ZDHHC17: variants seen among roughly 807,000 people sequenced by gnomAD.
The protein encoded by ZDHHC17 is zDHHC palmitoyltransferase 17.
In ZDHHC17, 40 loss-of-function variants were observed where a neutral mutation model predicts 90.3. The ratio of observed to expected loss-of-function variants is 0.44; its 90% CI spans 0.34 to 0.58. The LOEUF is 0.58. ZDHHC17 is among the 20% of genes least tolerant of loss of function. The pLI is 0.01. For missense variants in ZDHHC17, 614 were observed against 780.8 expected (o/e 0.79, Z 2.55); for synonymous variants, 235 against 252.4 (o/e 0.93, Z 0.65).
intron 10 of ZDHHC17, among the ~76,000 whole-genome samples, chr12:76,829,457 A>C (rs12810850): frequency 9.9e-5 from 2 of 20,170 alleles, no homozygotes; most frequent in African/African-American, 2.5e-4. Flanking sequence ...CTATGTCTCA[A>C]AAAAAAAAAA....
chr12:76,820,685 A>G (rs374263775), intron 7 of ZDHHC17, among the ~76,000 whole-genome samples: 1 of 152,202 alleles, frequency 6.6e-6, no homozygotes, highest in Admixed American at 6.5e-5. Context: ...ATGGTCACCA[A>G]GGAAAAATTT....
intron 3 of ZDHHC17, among the ~76,000 whole-genome samples, chr12:76,808,286 A>G (rs976562504): frequency 2.0e-5 from 3 of 152,156 alleles, no homozygotes; most frequent in African/African-American, 7.2e-5. Context: ...ATTATTCCCA[A>G]AGAAAGCATT....
Position 76,852,465 on chromosome 12 carries a change from G to A in ZDHHC17, c.*1480G>A, listed in dbSNP as rs1257530104. ...TTTGTCCAACCAAAAAGAAAAGGGA[G>A]ATAACTAATGAGCTTCTAGTGATGT... On this transcript the variant is annotated 3_prime_UTR_variant, in exon 17 of 17. Transcript: ENST00000426126. 1 of 152,632 alleles carries A rather than the reference G, an allele frequency of 6.6e-6. No homozygotes were observed. Among genetic ancestry groups the A allele is most frequent in the Non-Finnish European group, 1.5e-5 (1 of 68,050 alleles). 9.5% of individuals were successfully genotyped at this position (152,632 alleles called of 1,614,324 possible).
chr12:76,845,481 T>A (rs1953483884), intron 12 of ZDHHC17: 1 of 246,940 alleles, frequency 4.0e-6, no homozygotes, highest in Non-Finnish European at 7.6e-6. Context: ...GTTCCATTCT[T>A]AAGAGCATAT....
intron 5 of ZDHHC17, among the ~76,000 whole-genome samples, chr12:76,814,421 G>A (rs1953060003): frequency 6.6e-6 from 1 of 151,856 alleles, no homozygotes; most frequent in Non-Finnish European, 1.5e-5. Context: ...ATATGAACCA[G>A]AATTACAATA....
intron 15 of ZDHHC17, 88 bp from the exon 16 acceptor site, chr12:76,849,288 C>G: frequency 1.6e-6 from 1 of 644,988 alleles, no homozygotes; most frequent in Non-Finnish European, 2.4e-6. Flanking sequence ...TTCGCCATTG[C>G]ATTTTAGCCT....
At chr12:76,831,648 C>A (rs758062306) in intron 10 of ZDHHC17, among the ~76,000 whole-genome samples, 1 of 152,052 alleles carries the variant, frequency 6.6e-6, no homozygotes, top group Non-Finnish European at 1.5e-5. Context: ...CTGTGCCTGG[C>A]CTGTGGTTTT....
intron 1 of ZDHHC17, among the ~76,000 whole-genome samples, chr12:76,780,166 T>G (rs1952605893): frequency 6.6e-6 from 1 of 152,224 alleles, no homozygotes; most frequent in Admixed American, 6.5e-5. Flanking sequence ...AGGTTAAACT[T>G]GTCTATTGTC....
At chr12:76,793,694 C>T (rs746652882) in intron 1 of ZDHHC17, among the ~76,000 whole-genome samples, 13 of 152,090 alleles carry the variant, frequency 8.5e-5, no homozygotes, top group Admixed American at 1.3e-4. Flanking sequence ...AGGGGAGTGG[C>T]GGACTTTTAT....
intron 5 of ZDHHC17, chr12:76,813,254 A>T (rs1216017455): frequency 2.5e-6 from 1 of 392,448 alleles, no homozygotes; most frequent in African/African-American, 2.1e-5. Context: ...GTTACTTCTC[A>T]TATAAGAAAT....
intron 1 of ZDHHC17, among the ~76,000 whole-genome samples, chr12:76,782,725 A>C (rs993055457): frequency 6.6e-6 from 1 of 152,148 alleles, no homozygotes; most frequent in Non-Finnish European, 1.5e-5. Context: ...ACAGTGACTG[A>C]AGTGATAAAC....
intron 1 of ZDHHC17, among the ~76,000 whole-genome samples, chr12:76,784,896 T>C (rs1952667584): frequency 6.6e-6 from 1 of 152,222 alleles, no homozygotes; most frequent in Non-Finnish European, 1.5e-5. Context: ...AACAGAATTT[T>C]GGATGCTTAA....
chr12:76,830,993 T>C (rs1415768090), intron 10 of ZDHHC17, among the ~76,000 whole-genome samples: 1 of 152,184 alleles, frequency 6.6e-6, no homozygotes, highest in Non-Finnish European at 1.5e-5. Context: ...AACAATCAAG[T>C]CTATTTAGCT....
intron 10 of ZDHHC17, among the ~76,000 whole-genome samples, chr12:76,835,684 T>C (rs1022617627): frequency 2.0e-5 from 3 of 151,990 alleles, no homozygotes; most frequent in African/African-American, 7.2e-5. Context: ...GTATAAAGAC[T>C]GAATTTTGTT....
chr12:76,811,758 T>C (rs1953025279), intron 5 of ZDHHC17, among the ~76,000 whole-genome samples: 1 of 152,140 alleles, frequency 6.6e-6, no homozygotes, highest in African/African-American at 2.4e-5. Flanking sequence ...TTACTTCCTT[T>C]AATAATGTAG....
At chr12:76,848,437 C>T in intron 15 of ZDHHC17, 47 bp downstream of exon 15, 2 of 1,572,734 alleles carry the variant, frequency 1.3e-6, no homozygotes, top group African/African-American at 2.7e-5. Context: ...AAAACTCTTC[C>T]ATCCTTGCAT....
chr12:76,836,456 A>G (rs1405081537), intron 10 of ZDHHC17, among the ~76,000 whole-genome samples: 2 of 152,002 alleles, frequency 1.3e-5, no homozygotes, highest in Non-Finnish European at 2.9e-5. Flanking sequence ...GGTATTAATT[A>G]GAGCTATTTT....
chr12:76,814,809 T>C (rs977843931), intron 5 of ZDHHC17, among the ~76,000 whole-genome samples: 8 of 152,176 alleles, frequency 5.3e-5, no homozygotes, highest in East Asian at 3.9e-4. Context: ...TTCTCTCTTA[T>C]GCATTAGTAT....
In ZDHHC17 at chr12:76,801,660, GA is replaced by G. The variant is rs554688356; in HGVS notation, c.198-3647del. On this transcript the variant is annotated intron_variant, in intron 2 of 16. Coordinates refer to ENST00000426126, the MANE Select transcript of ZDHHC17 (RefSeq NM_015336.4). The stretch of plus-strand genomic sequence containing the variant: ...CACAGCAAGACTCTGTCTCAAAAAA[GA>G]AAAAAAAAATCCTAAAGTTATAACA... Among the ~76,000 whole-genome samples, 104 of 147,334 alleles carry G rather than the reference GA, an allele frequency of 7.1e-4. 1 individual carries two copies. The highest frequency in any genetic ancestry group is 4.0e-3 in the Admixed American group (59 of 14,878).
Sources: gnomAD v4.1 joint callset for allele counts (sites outside exome capture counted in the v4.1 genomes callset) on GRCh38, gnomAD v4.1.1 for gene constraint, MANE v1.5 for transcripts, NCBI Gene and HGNC (gene_info 2026-07-23, HGNC 2026-07-21) for gene names.